Variants in OSBPL10 observed in about 807,000 individuals in gnomAD.
OSBPL10 encodes the protein oxysterol-binding protein-related protein 10.
Under a neutral mutation model 81.7 loss-of-function variants are expected in OSBPL10, and 49 were observed. That is an observed-to-expected ratio of 0.60 (90% confidence interval 0.48 to 0.76). The LOEUF (loss-of-function observed/expected upper bound fraction) is 0.76, where lower values mean the gene tolerates loss of function less well. OSBPL10 is among the 30% of genes least tolerant of loss of function. The pLI is 0.00. For synonymous variants in OSBPL10, 419 were observed against 383.6 expected (o/e 1.09, Z -1.08); for missense variants, 923 against 987.8 (o/e 0.93, Z 0.88).
Position 31,870,694 on chromosome 3 carries a change from C to T in OSBPL10, c.537+5739G>A, listed in dbSNP as rs1030424239. 1.4e-4 allele frequency among the ~76,000 whole-genome samples: 22 copies of T among 152,152 alleles called. 1 individual carries two copies. Among genetic ancestry groups the T allele is most frequent in the African/African-American group, 5.3e-4 (22 of 41,396 alleles). On this transcript the variant is annotated intron_variant, in intron 3 of 11. Transcript: ENST00000396556. ...AAACACACCAATCAGCACCCTGTGT[C>T]TACCTCAGGGTTTGTGAGTGCACCA...
intron 6 of OSBPL10, among the ~76,000 whole-genome samples, chr3:31,730,536 C>T (rs989717849): frequency 6.6e-6 from 1 of 152,034 alleles, no homozygotes; most frequent in Non-Finnish European, 1.5e-5. Flanking sequence ...ATAGGTAAAA[C>T]CAAGATCCTA....
chr3:32,057,934 G>C (rs917117465), intron 1 of OSBPL10, among the ~76,000 whole-genome samples: 1 of 152,192 alleles, frequency 6.6e-6, no homozygotes, highest in African/African-American at 2.4e-5. Flanking sequence ...AAAGGAACTG[G>C]CCTGTGGCAA....
intron 7 of OSBPL10, among the ~76,000 whole-genome samples, chr3:31,689,069 C>G (rs146650478): frequency 2.4e-3 from 369 of 152,244 alleles, no homozygotes; most frequent in African/African-American, 8.7e-3. Context: ...TCAGCAACTT[C>G]TGCCAATTAT....
At chr3:31,832,985 C>T (rs1343017570) in intron 3 of OSBPL10, among the ~76,000 whole-genome samples, 1 of 152,096 alleles carries the variant, frequency 6.6e-6, no homozygotes, top group Admixed American at 6.5e-5. Context: ...CTTGAAATAC[C>T]GCAGATTGTA....
At chr3:31,754,816 C>G (rs180879956) in intron 4 of OSBPL10, among the ~76,000 whole-genome samples, 7 of 152,276 alleles carry the variant, frequency 4.6e-5, no homozygotes, top group Admixed American at 4.6e-4. Context: ...GTTTCGGTGT[C>G]AGATAAGATC....
intron 4 of OSBPL10, among the ~76,000 whole-genome samples, 172 bp downstream of exon 4, chr3:31,829,868 A>C (rs1179419188): frequency 6.6e-6 from 1 of 152,276 alleles, no homozygotes; most frequent in Non-Finnish European, 1.5e-5. Context: ...AAATAGGAAC[A>C]ATTAACTTTT....
intron 3 of OSBPL10, among the ~76,000 whole-genome samples, chr3:31,850,192 G>T (rs932839983): frequency 6.6e-6 from 1 of 151,786 alleles, no homozygotes; most frequent in Non-Finnish European, 1.5e-5. Flanking sequence ...AAACTAGCTG[G>T]ATATGGTCAC....
rs940934674 is a variant in OSBPL10 at position 31,683,699 on chromosome 3, T to C, written c.1661A>G (p.Asn554Ser). Reference protein sequence around the residue: ...CECEEKRLCVNTHVWTKSKFM... With the variant: ...CECEEKRLCVSTHVWTKSKFM... ...CTTGCTTTTGGTCCATACATGAGTG[T>C]TGACGCACAGTCTCTTCTCCTCGCA... Residue 554 changes from asparagine (N) to serine (S), a missense_variant, in exon 8 of 12, where the codon AAC (asparagine) becomes AGC (serine). Physicochemically the swap from Asn to Ser is conservative, Grantham distance 46. This residue lies in a region of OSBPL10 where 387 missense variants were observed against 436.3 expected (regional missense o/e 0.89). Transcript: ENST00000396556. The C allele has an allele frequency of 2.5e-6, 4 of 1,614,198 alleles. No individual in the cohort carries two copies. The highest frequency in any genetic ancestry group is 2.5e-6 in the Non-Finnish European group (3 of 1,180,040).
intron 1 of OSBPL10, among the ~76,000 whole-genome samples, chr3:32,050,903 G>A (rs1394632097): frequency 9.2e-5 from 14 of 151,966 alleles, no homozygotes; most frequent in Admixed American, 5.2e-4. Flanking sequence ...CAGGTGATCC[G>A]CCCACCTCGG....
At chr3:31,682,469 T>C (rs886932270) in intron 8 of OSBPL10, among the ~76,000 whole-genome samples, 1 of 152,248 alleles carries the variant, frequency 6.6e-6, no homozygotes, top group Non-Finnish European at 1.5e-5. Context: ...AGGGACATTT[T>C]ACCTGTAGGC....
chr3:32,065,385 C>T lies in OSBPL10; in HGVS notation n.185+12011G>A, dbSNP rs527935310. On this transcript the variant is annotated intron_variant and non_coding_transcript_variant, in intron 1 of 3. Transcript: ENST00000479173. ...ATGCTCAGATCTGGGTTTCATAAAG[C>T]GCTGGAGGTATGTGACCTACACAGA... 176 of 92,022 alleles carry T rather than the reference C, an allele frequency of 1.9e-3. 37 individuals carry two copies. Among genetic ancestry groups the T allele is most frequent in the African/African-American group, 4.7e-3 (168 of 35,812 alleles). 5.7% of individuals were successfully genotyped at this position (92,022 alleles called of 1,614,324 possible). A position where few individuals can be genotyped will look rare whatever the true frequency, so the allele number is the denominator to read the frequency against.
rs1174132333 is a variant in OSBPL10 at position 31,849,078 on chromosome 3, C to A, written c.538-18847G>T. Among the ~76,000 whole-genome samples the A allele has an allele frequency of 3.3e-5, 5 of 152,288 alleles. No individual in the cohort carries two copies. The East Asian group carries it at 9.6e-4, about 29-fold the overall frequency. ...AGTTCCAAGCCTAGGCTTCAAGATG[C>A]CTTTCATCTTCTGCTCCTGCTACTT... On this transcript the variant is annotated intron_variant, in intron 3 of 11. Transcript: ENST00000396556.
chr3:31,991,060 A>G, intron 2 of OSBPL10: 1 of 1,286,020 alleles, frequency 7.8e-7, no homozygotes, highest in Non-Finnish European at 1.1e-6. Context: ...ACCATCAAGC[A>G]TTAATTGACA....
At chr3:31,875,099 AAAG>A (rs994856073) in intron 3 of OSBPL10, among the ~76,000 whole-genome samples, 62 of 151,600 alleles carry the variant, frequency 4.1e-4, no homozygotes, top group African/African-American at 1.4e-3. Context: ...AAAAAAAAAA[AAAG>A]GAGAAAACAG....
At chr3:31,880,572 G>A (rs1695539324) in intron 1 of OSBPL10, among the ~76,000 whole-genome samples, 1 of 152,200 alleles carries the variant, frequency 6.6e-6, no homozygotes, top group Non-Finnish European at 1.5e-5. Flanking sequence ...CCACCAGGAG[G>A]GAAATGTCTT....
chr3:32,019,965 C>T (rs1699347159), intron 2 of OSBPL10, among the ~76,000 whole-genome samples: 1 of 152,104 alleles, frequency 6.6e-6, no homozygotes, highest in African/African-American at 2.4e-5. Flanking sequence ...AAACACGAAC[C>T]CTGAATTTGC....
intron 1 of OSBPL10, among the ~76,000 whole-genome samples, chr3:31,968,002 T>C (rs1698450523): frequency 6.6e-6 from 1 of 152,250 alleles, no homozygotes; most frequent in Admixed American, 6.5e-5. Context: ...AATCTTTCAA[T>C]ATAATTTCAA....
At chr3:31,988,835 C>G in intron 2 of OSBPL10, 4 of 556,018 alleles carry the variant, frequency 7.2e-6, no homozygotes, top group East Asian at 3.0e-5. Context: ...ACCAGTCAAG[C>G]CTTGAGATGA....
chr3:31,785,162 G>A (rs1400250841), intron 4 of OSBPL10, among the ~76,000 whole-genome samples: 1 of 152,136 alleles, frequency 6.6e-6, no homozygotes, highest in Non-Finnish European at 1.5e-5. Context: ...CGGGATTACA[G>A]GCGTGAACCA....
Sources: allele counts gnomAD v4.1 joint callset (sites outside exome capture counted in the v4.1 genomes callset), GRCh38; gene constraint gnomAD v4.1.1; regional missense constraint gnomAD v4.1.1; transcripts MANE v1.5; gene names NCBI Gene and HGNC (gene_info 2026-07-23, HGNC 2026-07-21).